Variants in RANBP2 observed in about 807,000 individuals in gnomAD.
RANBP2 encodes the protein RAN binding protein 2.
In RANBP2, 57 loss-of-function variants were observed where a neutral mutation model predicts 303.6. The observed-to-expected ratio is 0.19, with a 90% confidence interval of 0.15 to 0.23. The LOEUF is 0.23. Ranked by LOEUF, RANBP2 falls within the 10% of genes least tolerant of loss-of-function variation. The probability of loss-of-function intolerance (pLI) is 1.00; values close to 1 mark genes in which losing one functional copy is unlikely to be tolerated. For missense variants in RANBP2, 3,138 were observed against 3,780.8 expected, an observed-to-expected ratio of 0.83 and a Z score of 4.46; for synonymous variants, 1,167 against 1,301.5, an observed-to-expected ratio of 0.90 and a Z score of 2.23.
In RANBP2 at chr2:108,767,835, T is replaced by C. The variant is rs1201766029; in HGVS notation, c.7296T>C (p.Phe2432=). 4.3e-6 allele frequency: 7 copies of C among 1,610,476 alleles called. No homozygotes were observed. In the East Asian group the frequency reaches 1.6e-4, roughly 36 times the overall value. ...RFKLQDVADS[F]KKIFDEAKTA... ...AACTACAGGATGTTGCAGACTCGTT[T>C]AAGAAAATTTTTGATGAAGCAAAAA... Residue 2432 remains phenylalanine, a synonymous_variant, in exon 20 of 29, where the codon TTT becomes TTC. Transcript: ENST00000283195.
the RANBP2 span, among the ~76,000 whole-genome samples, chr2:109,002,324 C>T: frequency 3.3e-5 from 5 of 152,210 alleles, no homozygotes; most frequent in Non-Finnish European, 7.3e-5. Context: ...CACTTCCCAG[C>T]TTGCTAGGCT....
At chr2:109,553,130 C>T in the RANBP2 span, 19 of 1,613,800 alleles carry the variant, frequency 1.2e-5, no homozygotes, top group South Asian at 2.2e-5. Context: ...CTCCTTTACT[C>T]GCTGCACAAA....
the RANBP2 span, among the ~76,000 whole-genome samples, chr2:109,301,536 G>A: frequency 6.6e-6 from 1 of 152,098 alleles, no homozygotes; most frequent in East Asian, 1.9e-4. Context: ...AGGACACCAG[G>A]GTGCCCAGAG....
At chr2:109,408,811 T>C in the RANBP2 span, among the ~76,000 whole-genome samples, 1 of 152,228 alleles carries the variant, frequency 6.6e-6, no homozygotes, top group East Asian at 1.9e-4. Context: ...TTGTGCCTTT[T>C]ATGCAAAGCT....
chr2:109,469,971 T>A, the RANBP2 span, among the ~76,000 whole-genome samples: 6 of 152,202 alleles, frequency 3.9e-5, no homozygotes, highest in Non-Finnish European at 8.8e-5. Context: ...GATGAACCCA[T>A]GAGCAGATAC....
the RANBP2 span, among the ~76,000 whole-genome samples, chr2:109,144,852 G>C: frequency 6.6e-6 from 1 of 152,364 alleles, no homozygotes; most frequent in Admixed American, 6.5e-5. Context: ...GGGGGCGGAA[G>C]GCATGGTGGG....
At chr2:109,675,724 C>A in the RANBP2 span, among the ~76,000 whole-genome samples, 1 of 152,146 alleles carries the variant, frequency 6.6e-6, no homozygotes, top group Non-Finnish European at 1.5e-5. Context: ...AAAAAGAAAC[C>A]GTGGCAACCT....
the RANBP2 span, among the ~76,000 whole-genome samples, chr2:109,192,543 C>A: frequency 6.6e-6 from 1 of 152,196 alleles, no homozygotes; most frequent in Middle Eastern, 3.4e-3. Context: ...ATTTCTATGC[C>A]TGTGCCAGCG....
the RANBP2 span, among the ~76,000 whole-genome samples, chr2:109,295,123 T>C: frequency 6.6e-6 from 1 of 152,246 alleles, no homozygotes; most frequent in African/African-American, 2.4e-5. Flanking sequence ...TCCAGTGGCA[T>C]GCAAGTGGTG....
chr2:109,352,508 A>G, the RANBP2 span, among the ~76,000 whole-genome samples: 61 of 152,240 alleles, frequency 4.0e-4, no homozygotes, highest in African/African-American at 1.4e-3. Flanking sequence ...CTTCTTCCTG[A>G]CTGAGAATTG....
chr2:108,910,422 A>T, the RANBP2 span: 1 of 1,540,668 alleles, frequency 6.5e-7, no homozygotes, highest in Admixed American at 1.7e-5. Flanking sequence ...GATCCACAGG[A>T]CCCCAGCTTC....
At chr2:109,073,725 T>A in the RANBP2 span, among the ~76,000 whole-genome samples, 1 of 149,858 alleles carries the variant, frequency 6.7e-6, no homozygotes, top group Admixed American at 6.7e-5. Context: ...ACAGTGAAGA[T>A]ACCTTTAAAA....
At chr2:109,634,051 C>T in the RANBP2 span, among the ~76,000 whole-genome samples, 1 of 133,558 alleles carries the variant, frequency 7.5e-6, no homozygotes, top group South Asian at 2.4e-4. Context: ...ACTCAGGAAG[C>T]GGAGGTTGCA....
the RANBP2 span, among the ~76,000 whole-genome samples, chr2:109,162,618 GTC>G: frequency 6.6e-6 from 1 of 152,080 alleles, no homozygotes; most frequent in African/African-American, 2.4e-5. Context: ...GCTTAATCCA[GTC>G]TATCATTGTT....
chr2:108,808,546 C>T, the RANBP2 span, among the ~76,000 whole-genome samples: 1 of 152,068 alleles, frequency 6.6e-6, no homozygotes, highest in Non-Finnish European at 1.5e-5. Context: ...TTTTTCATAG[C>T]CTTTCTAACT....
the RANBP2 span, among the ~76,000 whole-genome samples, chr2:109,547,088 C>T: frequency 3.3e-5 from 5 of 152,144 alleles, no homozygotes; most frequent in Admixed American, 3.3e-4. Context: ...AAAGGTTAAC[C>T]ACCAAAGACA....
chr2:109,479,242 CAAG>C, the RANBP2 span, among the ~76,000 whole-genome samples: 1 of 152,150 alleles, frequency 6.6e-6, no homozygotes, highest in Middle Eastern at 3.2e-3. Context: ...GAGGATGTCA[CAAG>C]AGGTCTGCCC....
At chr2:109,010,812 T>C in the RANBP2 span, among the ~76,000 whole-genome samples, 3 of 152,214 alleles carry the variant, frequency 2.0e-5, no homozygotes, top group Non-Finnish European at 2.9e-5. Flanking sequence ...TTTGTTTCCA[T>C]AGAGTTAAAA....
At position 108,720,237 on chromosome 2, in the gene RANBP2, T is replaced by C. The variant is rs1270891090; in HGVS notation, c.72+559T>C. 70 of 904,470 alleles carry C rather than the reference T, an allele frequency of 7.7e-5. 9 individuals carry two copies. The highest frequency in any genetic ancestry group is 8.9e-5 in the Non-Finnish European group (68 of 764,976). 56.0% of individuals were successfully genotyped at this position (904,470 alleles called of 1,614,324 possible). On this transcript the variant is annotated intron_variant, in intron 1 of 28. Transcript: ENST00000283195. ...GCGCAAATGACACTGAAAGTCCCCT[T>C]GTTTTGAGTATGAGGTGTTTGTCGC...
Sources: gnomAD v4.1 joint callset for allele counts (sites outside exome capture counted in the v4.1 genomes callset) on GRCh38, gnomAD v4.1.1 for gene constraint, MANE v1.5 for transcripts, NCBI Gene and HGNC (gene_info 2026-07-23, HGNC 2026-07-21) for gene names.